TRIOBP: variants seen among roughly 807,000 people sequenced by gnomAD.
TRIOBP encodes the protein TRIO and F-actin binding protein, also known as TRIO and F-actin-binding protein.
TRIOBP carries 169 observed loss-of-function variants against 238.8 expected under a neutral mutation model. The ratio of observed to expected loss-of-function variants is 0.71; its 90% CI spans 0.62 to 0.80. The LOEUF is 0.80. TRIOBP is among the 30% of genes least tolerant of loss of function. The pLI is 0.00. For missense variants in TRIOBP, 2,838 were observed against 3,122.6 expected, an observed-to-expected ratio of 0.91 and a Z score of 2.17; for synonymous variants, 1,150 against 1,274.4, an observed-to-expected ratio of 0.90 and a Z score of 2.08.
chr22:37,697,370 T>C (rs991113718), intron 1 of TRIOBP, among the ~76,000 whole-genome samples: 33 of 151,768 alleles, frequency 2.2e-4, no homozygotes, highest in African/African-American at 7.7e-4. Flanking sequence ...CCCAGGAAAA[T>C]GAGCGGCGTT....
Position 37,734,840 on chromosome 22 carries a change from C to A in TRIOBP, c.4504C>A (p.Leu1502Ile). The A allele has an allele frequency of 6.2e-7, 1 of 1,612,734 alleles. No homozygotes were observed. The change falls in exon 9 of 24, where the codon CTC becomes ATC. Residue 1502 changes from leucine (L) to isoleucine (I), a missense_variant. Leu to Ile is a conservative substitution (Grantham distance 5). This residue lies in a region of TRIOBP where 2,096 missense variants were observed against 2,137.4 expected (regional missense o/e 0.98). Transcript: ENST00000644935. The part of the protein sequence containing the change: ...EAWEEKPTHE[L>I]PRELGKRSPL... ...CTGGGAGGAGAAGCCCACTCATGAG[C>A]TCCCCAGAGAACTAGGAAAGAGAAG...
rs772362872 is a variant in TRIOBP, at chr22:37,754,891, G to A, written c.5394G>A (p.Ser1798=). 26 of 1,613,864 alleles carry A rather than the reference G, an allele frequency of 1.6e-5. No individual in the cohort carries two copies. The highest frequency in any genetic ancestry group is 2.2e-5 in the East Asian group (1 of 44,880). ...CCTCCTTGCAGCCTCCCTCCCCCTC[G>A]CTCACCACCACCTCTACTTCGCAGT... The part of the protein sequence containing the change: ...LDEPGEPPSP[S]LTTTSTSQWK... Residue 1798 remains serine (S), a synonymous_variant, in exon 13 of 24, where the codon TCG becomes TCA. Transcript: ENST00000644935.
At chr22:37,718,050 G>C (rs1258510869) in intron 6 of TRIOBP, among the ~76,000 whole-genome samples, 1 of 152,188 alleles carries the variant, frequency 6.6e-6, no homozygotes, top group Non-Finnish European at 1.5e-5. Flanking sequence ...ACTGCTGGGG[G>C]ACCCAGCACA....
chr22:37,722,912 C>T (rs148765048), intron 6 of TRIOBP, among the ~76,000 whole-genome samples: 67 of 152,336 alleles, frequency 4.4e-4, no homozygotes, highest in Middle Eastern at 3.4e-3. Flanking sequence ...CGTGGATCCC[C>T]AGACCCTGTG....
At chr22:37,711,928 C>A (rs1383306549) in intron 4 of TRIOBP, among the ~76,000 whole-genome samples, 1 of 152,180 alleles carries the variant, frequency 6.6e-6, no homozygotes, top group African/African-American at 2.4e-5. Context: ...CTGCAGCTCC[C>A]TCCCTCAGCA....
chr22:37,718,122 C>G (rs1923630204), intron 6 of TRIOBP, among the ~76,000 whole-genome samples: 1 of 152,158 alleles, frequency 6.6e-6, no homozygotes, highest in Non-Finnish European at 1.5e-5. Flanking sequence ...CAGGGCCAGC[C>G]GGCCGCTCCG....
chr22:37,701,535 A>ACTGG (rs1922644987), intron 3 of TRIOBP, 56 bp downstream of exon 3: 1 of 1,309,242 alleles, frequency 7.6e-7, no homozygotes, highest in African/African-American at 1.4e-5. Context: ...TGGGTGAAGG[A>ACTGG]CTGGGCCTGT....
intron 19 of TRIOBP, 110 bp from the exon 20 acceptor site, chr22:37,768,918 C>A: frequency 6.6e-7 from 1 of 1,517,416 alleles, no homozygotes; most frequent in Non-Finnish European, 9.1e-7. Flanking sequence ...AAAGGCAAAC[C>A]TAGAGAGGGA....
At chr22:37,752,875 G>A (rs11089854) in intron 12 of TRIOBP, among the ~76,000 whole-genome samples, 38,111 of 152,104 alleles carry the variant, frequency 0.25, 5,708 homozygotes, top group South Asian at 0.41. Flanking sequence ...ACCCCTTGGT[G>A]CACAGACAGG....
At chr22:37,750,975 G>A (rs367818072) in intron 11 of TRIOBP, 25 of 371,312 alleles carry the variant, frequency 6.7e-5, no homozygotes, top group East Asian at 5.9e-4. Context: ...CGCCAGGAGC[G>A]GAGACTGCAG....
rs188987317 is a variant in TRIOBP at position 37,770,264 on chromosome 22, C to T, written c.6849+889C>T. On this transcript the variant is annotated intron_variant, in intron 21 of 23. Transcript: ENST00000644935. ...CATCCTGGCTAACACAGTGAAACCCCGTCTCTACTAAAAATACAAAAAAAT... is the reference window on the plus strand; with the variant it reads ...CATCCTGGCTAACACAGTGAAACCCTGTCTCTACTAAAAATACAAAAAAAT... Among the ~76,000 whole-genome samples, 1,443 of 149,732 alleles carry T rather than the reference C, an allele frequency of 9.6e-3. 23 individuals are homozygous for T. The highest frequency in any genetic ancestry group is 0.034 in the African/African-American group (1,374 of 40,852).
chr22:37,733,304 C>T lies in TRIOBP; in HGVS notation c.3954C>T (p.Ser1318=), dbSNP rs200990219. Residue 1318 remains serine, a synonymous_variant, in exon 8 of 24, where the codon TCC becomes TCT. Transcript: ENST00000644935. ...TGGCTGCATTTGCTCATAGGAAGTC[C>T]GAGGCAGCGGGGGCCTTCCAGGCCC... The part of the protein sequence containing the change: ...ERLFGQERRK[S]EAAGAFQAQD... 474 of 1,550,562 alleles carry T rather than the reference C, an allele frequency of 3.1e-4. 2 individuals carry two copies. The African/African-American group carries it at 5.5e-3, about 18-fold the overall frequency.
chr22:37,712,484 A>ACC (rs938721832), intron 4 of TRIOBP, among the ~76,000 whole-genome samples: 19 of 151,982 alleles, frequency 1.3e-4, no homozygotes, highest in African/African-American at 4.3e-4. Context: ...GGTGTGTGCC[A>ACC]CCACCATGCC....
rs146246644 is a variant in TRIOBP at position 37,774,828 on chromosome 22, GC to G, written c.*1051del. ...AAAGTCTGAGGAGCCCTGGAGTAGG[GC>G]CCAGGGCCCAGGCCTGAGAGAGAGG... On this transcript the variant is annotated 3_prime_UTR_variant, in exon 24 of 24. Transcript: ENST00000644935. 0.032 allele frequency: 4,905 copies of G among 152,372 alleles called. 93 individuals are homozygous for G. The highest frequency in any genetic ancestry group is 0.068 in the Middle Eastern group (20 of 294). The allele number at this position is 152,372 out of a possible 1,614,324, so 9.4% of individuals were successfully genotyped here.
Position 37,755,150 on chromosome 22 carries a change from C to T in TRIOBP, c.5537C>T (p.Thr1846Ile). Residue 1846 changes from threonine to isoleucine, a missense_variant, in exon 14 of 24, where the codon ACT (threonine) becomes ATT (isoleucine). Coordinates refer to ENST00000644935, the MANE Select transcript of TRIOBP (RefSeq NM_001039141.3). ...EIDLRSCTDV[T>I]EYAVQRNYGF... ...GACCTGCGTTCCTGCACGGATGTCA[C>T]TGAGTACGCGGTGCAGCGCAACTAT... 6.2e-7 allele frequency: 1 copy of T among 1,613,732 alleles called. No homozygotes were observed. The highest frequency in any genetic ancestry group is 8.5e-7 in the Non-Finnish European group (1 of 1,179,840).
chr22:37,754,528 T>C (rs1448786390), intron 12 of TRIOBP, among the ~76,000 whole-genome samples: 2 of 151,638 alleles, frequency 1.3e-5, no homozygotes, highest in African/African-American at 4.9e-5. Context: ...ATGGTGATGA[T>C]CTGGGGGAAT....
chr22:37,753,904 G>T (rs1227992746), intron 12 of TRIOBP, among the ~76,000 whole-genome samples: 1 of 152,200 alleles, frequency 6.6e-6, no homozygotes, highest in African/African-American at 2.4e-5. Flanking sequence ...TGGCATTCCA[G>T]TGGAGTGACC....
rs1436569794 is a variant in TRIOBP, at chr22:37,735,301, C to T, written c.4965C>T (p.Pro1655=). ...AGTCCCAGAGCCCGGTCCAGCTGCC[C>T]AGCCCTGCCTGCACCTCCACCCAGT... The part of the protein sequence containing the change: ...ALQSQSPVQL[P]SPACTSTQWP... The change falls in exon 9 of 24, where the codon CCC becomes CCT. Residue 1655 remains proline (P), a synonymous_variant. Coordinates refer to ENST00000644935, the MANE Select transcript of TRIOBP (RefSeq NM_001039141.3). The T allele has an allele frequency of 6.2e-7, 1 of 1,611,956 alleles. No homozygotes were observed. Among genetic ancestry groups the T allele is most frequent in the South Asian group, 1.1e-5 (1 of 91,060 alleles).
intron 7 of TRIOBP, among the ~76,000 whole-genome samples, chr22:37,727,333 T>A (rs529870634): frequency 6.6e-6 from 1 of 151,606 alleles, no homozygotes; most frequent in Non-Finnish European, 1.5e-5. Flanking sequence ...AGAAAACTCA[T>A]GGGTCCCTAT....
Sources: gnomAD v4.1 joint callset for allele counts (sites outside exome capture counted in the v4.1 genomes callset) on GRCh38, gnomAD v4.1.1 for gene constraint, gnomAD v4.1.1 regional missense constraint, MANE v1.5 for transcripts, NCBI Gene and HGNC (gene_info 2026-07-23, HGNC 2026-07-21) for gene names.